TMEM217: variants seen among roughly 807,000 people sequenced by gnomAD.
TMEM217 encodes the protein transmembrane protein 217, also known as chromosome 6 open reading frame 128.
For missense variants in TMEM217, 204 were observed against 248.8 expected (o/e 0.82, Z 1.21); for synonymous variants, 76 against 88.3 (o/e 0.86, Z 0.78).
downstream of TMEM217, chr6:37,213,101 G>A: frequency 1.3e-6 from 1 of 784,326 alleles, no homozygotes; most frequent in Non-Finnish European, 2.0e-6. Context: ...AGCAATGATG[G>A]TGTGTGGACA....
chr6:37,219,670 T>A (rs1192424844), intron 1 of TMEM217, among the ~76,000 whole-genome samples: 1 of 151,978 alleles, frequency 6.6e-6, no homozygotes, highest in African/African-American at 2.4e-5. Flanking sequence ...AAGTCAAGGC[T>A]GCAGTGAGCT....
At chr6:37,218,135 C>T in exon 2 of TMEM217, 1 of 1,087,176 alleles carries the variant, frequency 9.2e-7, no homozygotes, top group African/African-American at 1.7e-5. Flanking sequence ...AAAGGGCCAA[C>T]ATGATTGCTT....
chr6:37,243,434 T>C (rs1295809587), intron 1 of TMEM217, among the ~76,000 whole-genome samples: 2 of 152,180 alleles, frequency 1.3e-5, no homozygotes, highest in Non-Finnish European at 2.9e-5. Context: ...CCAGTGTAAT[T>C]GCCCAGTGGG....
chr6:37,221,728 G>A (rs1763535109), intron 1 of TMEM217, among the ~76,000 whole-genome samples: 1 of 152,210 alleles, frequency 6.6e-6, no homozygotes, highest in Non-Finnish European at 1.5e-5. Context: ...ACCTTTGCCT[G>A]AGTTCTTGTT....
chr6:37,246,188 C>T (rs1765070161), intron 1 of TMEM217, among the ~76,000 whole-genome samples: 2 of 152,154 alleles, frequency 1.3e-5, no homozygotes, highest in Non-Finnish European at 2.9e-5. Context: ...CTAATTCTCT[C>T]CTGCAGTAAT....
At chr6:37,234,463 T>C (rs1583464530) in intron 1 of TMEM217, among the ~76,000 whole-genome samples, 1 of 152,200 alleles carries the variant, frequency 6.6e-6, no homozygotes, top group East Asian at 1.9e-4. Flanking sequence ...CATAACCTCA[T>C]CGTAAGTTGA....
At chr6:37,253,543 T>C (rs1765564620) in intron 1 of TMEM217, among the ~76,000 whole-genome samples, 1 of 152,242 alleles carries the variant, frequency 6.6e-6, no homozygotes, top group South Asian at 2.1e-4. Flanking sequence ...GTTGTTTAGA[T>C]ACTATAAAGC....
At chr6:37,254,236 T>C (rs1453441866) in intron 1 of TMEM217, among the ~76,000 whole-genome samples, 11 of 152,290 alleles carry the variant, frequency 7.2e-5, no homozygotes, top group African/African-American at 2.4e-4. Context: ...GTGATTCACA[T>C]GTGCAATATA....
At chr6:37,219,123 AT>A in intron 1 of TMEM217, 82 bp from the exon 2 acceptor site, 1 of 1,252,036 alleles carries the variant, frequency 8.0e-7, no homozygotes, top group Non-Finnish European at 1.1e-6. Flanking sequence ...CCTTCCCCAA[AT>A]CTACTTTGGA....
At chr6:37,256,135 A>G (rs1318161743) in intron 1 of TMEM217, among the ~76,000 whole-genome samples, 1 of 152,386 alleles carries the variant, frequency 6.6e-6, no homozygotes, top group South Asian at 2.1e-4. Context: ...AGCCATGTGC[A>G]TAAGCTGGAA....
chr6:37,242,439 G>A (rs1487514360), intron 1 of TMEM217, among the ~76,000 whole-genome samples: 1 of 152,170 alleles, frequency 6.6e-6, no homozygotes, highest in Non-Finnish European at 1.5e-5. Context: ...TTGCCTTTAA[G>A]AGCCTAGATT....
At chr6:37,225,410 G>A (rs952524436) in intron 1 of TMEM217, among the ~76,000 whole-genome samples, 1 of 151,906 alleles carries the variant, frequency 6.6e-6, no homozygotes, top group Non-Finnish European at 1.5e-5. Context: ...AACAAAAGTG[G>A]GCCATGCATG....
exon 1 of TMEM217, chr6:37,257,868 C>A (rs369150865): frequency 6.3e-7 from 1 of 1,595,042 alleles, no homozygotes; most frequent in Non-Finnish European, 8.5e-7. Flanking sequence ...GGGGGCATCT[C>A]GCCGGGCAAA....
intron 1 of TMEM217, among the ~76,000 whole-genome samples, chr6:37,252,255 A>G (rs1470227869): frequency 6.6e-6 from 1 of 152,204 alleles, no homozygotes; most frequent in East Asian, 1.9e-4. Context: ...ATGACATGTA[A>G]CATAAAGTTC....
At chr6:37,218,006 G>A in exon 2 of TMEM217, 1 of 990,714 alleles carries the variant, frequency 1.0e-6, no homozygotes, top group African/African-American at 1.7e-5. Flanking sequence ...TTCTCTTCAT[G>A]TTCTCCTGAA....
chr6:37,230,080 C>G (rs564896741), intron 1 of TMEM217, among the ~76,000 whole-genome samples: 19 of 152,306 alleles, frequency 1.2e-4, no homozygotes, highest in Non-Finnish European at 2.4e-4. Context: ...CCACCCCTGG[C>G]TTCCAGAGGC....
In TMEM217 at chr6:37,224,751, T is replaced by C. The variant is rs546311261; in HGVS notation, c.-11-5710A>G. 1.9e-4 allele frequency among the ~76,000 whole-genome samples: 29 copies of C among 152,228 alleles called. 2 individuals carry two copies. In the South Asian group the frequency reaches 6.0e-3, roughly 32 times the overall value. The stretch of plus-strand genomic sequence containing the variant: ...GATTACAGGAGTGAGCCACTGTAAA[T>C]ATTTTTCTAAAATATTTTTCAAGAT... On this transcript the variant is annotated intron_variant, in intron 1 of 1. Coordinates refer to ENST00000357219, the Ensembl canonical transcript of TMEM217.
downstream of TMEM217, among the ~76,000 whole-genome samples, chr6:37,216,936 C>T (rs144960954): frequency 4.1e-3 from 621 of 152,266 alleles, no homozygotes; most frequent in African/African-American, 0.013. Context: ...CCTACTGGCA[C>T]CTTGATATTG....
At chr6:37,225,990 C>G (rs374345430) in intron 1 of TMEM217, among the ~76,000 whole-genome samples, 2 of 152,172 alleles carry the variant, frequency 1.3e-5, no homozygotes, top group South Asian at 4.1e-4. Flanking sequence ...CATAAATCAG[C>G]CATTGTCTTT....
Sources: allele counts gnomAD v4.1 joint callset (sites outside exome capture counted in the v4.1 genomes callset), GRCh38; gene constraint gnomAD v4.1.1; transcripts MANE v1.5; gene names NCBI Gene and HGNC (gene_info 2026-07-23, HGNC 2026-07-21).